Variants in ARHGEF3 observed in about 807,000 individuals in gnomAD.
ARHGEF3 encodes the protein Rho guanine nucleotide exchange factor 3.
A neutral mutation model predicts 63.2 loss-of-function variants in ARHGEF3; 28 were observed. That is an observed-to-expected ratio of 0.44 (90% CI 0.33 to 0.61). ARHGEF3 has a LOEUF of 0.61. Among genes scored for constraint, ARHGEF3 ranks in the 20% least tolerant of loss-of-function variants. The probability of loss-of-function intolerance (pLI) is 0.03; values close to 1 mark genes in which losing one functional copy is unlikely to be tolerated. For missense variants in ARHGEF3, 533 were observed against 659.3 expected (o/e 0.81, Z 2.10); for synonymous variants, 266 against 254.2 (o/e 1.05, Z -0.44).
intron 2 of ARHGEF3, among the ~76,000 whole-genome samples, chr3:57,023,424 G>A (rs1023264449): frequency 6.6e-6 from 1 of 152,140 alleles, no homozygotes; most frequent in Admixed American, 6.5e-5. Flanking sequence ...TGGTTACTTA[G>A]CCCTGAGTTT....
chr3:56,927,089 G>T (rs2042295144), intron 3 of ARHGEF3, among the ~76,000 whole-genome samples: 1 of 152,186 alleles, frequency 6.6e-6, no homozygotes, highest in Non-Finnish European at 1.5e-5. Context: ...AGATAACCTG[G>T]GTTCAAATCC....
chr3:56,907,049 C>T (rs1462272911), intron 3 of ARHGEF3, among the ~76,000 whole-genome samples: 2 of 139,336 alleles, frequency 1.4e-5, no homozygotes, highest in African/African-American at 2.7e-5. Flanking sequence ...TGGCACAATC[C>T]CAGCTCACTG....
intron 2 of ARHGEF3, among the ~76,000 whole-genome samples, chr3:56,967,478 TATATA>T (rs1433339796): frequency 3.7e-4 from 32 of 86,430 alleles, no homozygotes; most frequent in South Asian, 1.1e-3. Context: ...TATAATATAT[TATATA>T]ATATATTAAA....
chr3:56,885,953 T>C (rs1404655881), intron 3 of ARHGEF3, among the ~76,000 whole-genome samples: 1 of 152,192 alleles, frequency 6.6e-6, no homozygotes, highest in Non-Finnish European at 1.5e-5. Flanking sequence ...CACTTGTTCA[T>C]TTGCTCTGTG....
chr3:56,795,580 A>G (rs1578535556), intron 1 of ARHGEF3, among the ~76,000 whole-genome samples: 1 of 152,092 alleles, frequency 6.6e-6, no homozygotes, highest in East Asian at 1.9e-4. Flanking sequence ...CTAGACTTAA[A>G]AAGAGCCACT....
intron 2 of ARHGEF3, among the ~76,000 whole-genome samples, chr3:57,019,223 C>T (rs1005989478): frequency 2.0e-5 from 3 of 152,204 alleles, no homozygotes; most frequent in African/African-American, 4.8e-5. Flanking sequence ...GGGGGACTTC[C>T]TGAGTCTCAG....
chr3:57,011,114 C>T (rs527743238), intron 2 of ARHGEF3, among the ~76,000 whole-genome samples: 3 of 152,186 alleles, frequency 2.0e-5, no homozygotes, highest in South Asian at 2.1e-4. Context: ...AACATGCAAC[C>T]GGCGAGGGAA....
intron 1 of ARHGEF3, among the ~76,000 whole-genome samples, chr3:57,038,748 A>G (rs1435447375): frequency 2.0e-5 from 3 of 152,076 alleles, no homozygotes; most frequent in African/African-American, 7.2e-5. Flanking sequence ...TCAGACCTAT[A>G]CCATTGTTGG....
chr3:56,886,995 T>C (rs1178747885), intron 3 of ARHGEF3, among the ~76,000 whole-genome samples: 1 of 152,204 alleles, frequency 6.6e-6, no homozygotes, highest in Non-Finnish European at 1.5e-5. Context: ...ATGAGGAATA[T>C]GGCAAGAAAA....
At chr3:56,866,575 G>A (rs145814166) in intron 4 of ARHGEF3, among the ~76,000 whole-genome samples, 208 of 152,208 alleles carry the variant, frequency 1.4e-3, no homozygotes, top group Admixed American at 3.6e-3. Flanking sequence ...ATGCTCAAGC[G>A]GCAAGGCTTA....
chr3:56,863,139 TTTTC>T (rs1396054408), intron 4 of ARHGEF3, among the ~76,000 whole-genome samples: 1 of 151,554 alleles, frequency 6.6e-6, no homozygotes, highest in Admixed American at 6.6e-5. Flanking sequence ...ACATTTACCT[TTTTC>T]TTTTTTTTTT....
chr3:57,013,949 T>TG (rs1223371274), intron 2 of ARHGEF3, among the ~76,000 whole-genome samples: 1 of 152,222 alleles, frequency 6.6e-6, no homozygotes, highest in East Asian at 1.9e-4. Context: ...ATTTCCACTC[T>TG]GGGGAAGTTT....
At chr3:56,775,400 AAT>A in intron 1 of ARHGEF3, 1 of 1,039,506 alleles carries the variant, frequency 9.6e-7, no homozygotes, top group Non-Finnish European at 1.2e-6. Context: ...AAGAAAATTC[AAT>A]ACAATCTCAC....
intron 2 of ARHGEF3, among the ~76,000 whole-genome samples, chr3:56,965,405 T>C (rs530548960): frequency 3.2e-4 from 48 of 152,208 alleles, no homozygotes; most frequent in Non-Finnish European, 4.9e-4. Flanking sequence ...AGCCTTATAA[T>C]TAATAAAGAA....
In ARHGEF3 at chr3:56,741,659, A is replaced by G. The variant is rs371448636; in HGVS notation, c.870+3546T>C. ...GCTGGGACTACAGGCGCCTGCCACC[A>G]CGCCCAGCTAATTTTTTGTATTTTT... On this transcript the variant is annotated intron_variant, in intron 7 of 9. Coordinates refer to ENST00000296315, the MANE Select transcript of ARHGEF3 (RefSeq NM_019555.3). 2.7e-3 allele frequency among the ~76,000 whole-genome samples: 407 copies of G among 150,722 alleles called. 3 individuals carry two copies. Among genetic ancestry groups the G allele is most frequent in the African/African-American group, 9.0e-3 (369 of 40,976 alleles).
chr3:56,852,029 G>A (rs1408753238), intron 4 of ARHGEF3, among the ~76,000 whole-genome samples: 1 of 152,178 alleles, frequency 6.6e-6, no homozygotes, highest in Non-Finnish European at 1.5e-5. Flanking sequence ...TTTGGCCCTT[G>A]GAGCCTCTGT....
chr3:56,968,987 G>T (rs1300893556), intron 2 of ARHGEF3, among the ~76,000 whole-genome samples: 1 of 152,174 alleles, frequency 6.6e-6, no homozygotes, highest in Non-Finnish European at 1.5e-5. Flanking sequence ...TACATAAATT[G>T]AGAACCCCTG....
chr3:56,938,581 A>G (rs1277537445), intron 3 of ARHGEF3: 1 of 152,228 alleles, frequency 6.6e-6, no homozygotes, highest in Non-Finnish European at 1.5e-5. Context: ...AAGGCACTAA[A>G]TATACAGAGG....
chr3:57,035,189 G>T, intron 1 of ARHGEF3: 1 of 1,406,010 alleles, frequency 7.1e-7, no homozygotes, highest in Non-Finnish European at 9.5e-7. Context: ...TTTTTAAAAA[G>T]CAAAACAACC....
Sources: allele counts gnomAD v4.1 joint callset (sites outside exome capture counted in the v4.1 genomes callset), GRCh38; gene constraint gnomAD v4.1.1; transcripts MANE v1.5; gene names NCBI Gene and HGNC (gene_info 2026-07-23, HGNC 2026-07-21).